Variants in HBB observed in about 807,000 individuals in gnomAD.
HBB encodes hemoglobin subunit beta.
Under a neutral mutation model 9.7 loss-of-function variants are expected in HBB, and 18 were observed. That is an observed-to-expected ratio of 1.86 (90% CI 1.28 to 2.76). HBB has a LOEUF of 2.76. HBB is among the 30% of genes most tolerant of loss of function. The pLI is 0.00. For synonymous variants in HBB, 99 were observed against 73.6 expected, an observed-to-expected ratio of 1.35 and a Z score of -1.77; for missense variants, 156 against 177.0, an observed-to-expected ratio of 0.88 and a Z score of 0.67.
At position 5,225,533 on chromosome 11, in the gene HBB, G is replaced by C. The variant is rs1490059160; in HGVS notation, c.*65C>G. The C allele has an allele frequency of 1.5e-5, 23 of 1,514,714 alleles. No individual in the cohort carries two copies. The highest frequency in any genetic ancestry group is 1.2e-4 in the African/African-American group (9 of 73,008). The allele number at this position is 1,514,714 out of a possible 1,614,324, so 93.8% of individuals were successfully genotyped here. A position where few individuals can be genotyped will look rare whatever the true frequency, so the allele number is the denominator to read the frequency against. On this transcript the variant is annotated 3_prime_UTR_variant, in exon 3 of 3. Coordinates refer to ENST00000335295, the MANE Select transcript of HBB (RefSeq NM_000518.5). ...TCAAGGCCCTTCATAATATCCCCCA[G>C]TTTAGTAGTTGGACTTAGGGAACAA...
intron 2 of HBB, 88 bp from the exon 3 acceptor site, chr11:5,225,814 A>T: frequency 7.2e-7 from 1 of 1,389,576 alleles, no homozygotes. Flanking sequence ...CCAACCATAA[A>T]ATAAAAGCAG....
chr11:5,225,517 T>G lies in HBB; in HGVS notation c.*81A>C. 7.3e-7 allele frequency: 1 copy of G among 1,360,828 alleles called. No individual in the cohort carries two copies. Among genetic ancestry groups the G allele is most frequent in the Non-Finnish European group, 1.1e-6 (1 of 948,726 alleles). The allele number at this position is 1,360,828 out of a possible 1,614,324, so 84.3% of individuals were successfully genotyped here. On this transcript the variant is annotated 3_prime_UTR_variant, in exon 3 of 3. Transcript: ENST00000335295. ...GGCAGAATCCAGATGCTCAAGGCCC[T>G]TCATAATATCCCCCAGTTTAGTAGT... is the stretch of plus-strand genomic sequence containing the variant.
rs375739101 is a variant in HBB at position 5,226,905 on chromosome 11, C to T, written c.92+25G>A. 1 of 1,605,810 alleles carries T rather than the reference C, an allele frequency of 6.2e-7. No individual in the cohort carries two copies. The highest frequency in any genetic ancestry group is 1.3e-5 in the African/African-American group (1 of 74,756). On this transcript the variant is annotated intron_variant, in intron 1 of 2. Coordinates refer to ENST00000335295, the MANE Select transcript of HBB (RefSeq NM_000518.5). The stretch of plus-strand genomic sequence containing the variant: ...CCCAGTTTCTATTGGTCTCCTTAAA[C>T]CTGTCTTGTAACCTTGATACCAACC...
At position 5,226,163 on chromosome 11, in the gene HBB, T is replaced by G. The variant is rs1194340747; in HGVS notation, c.315+414A>C. On this transcript the variant is annotated intron_variant, in intron 2 of 2. Coordinates refer to ENST00000335295, the MANE Select transcript of HBB (RefSeq NM_000518.5). ...TTTAACCCATAAATATGTATAATGATTATGTATCAATTAAAAATAAAAGAA... is the reference window on the plus strand; with the variant it reads ...TTTAACCCATAAATATGTATAATGAGTATGTATCAATTAAAAATAAAAGAA... 1 of 307,130 alleles carries G rather than the reference T, an allele frequency of 3.3e-6. No individual in the cohort carries two copies. Among genetic ancestry groups the G allele is most frequent in the African/African-American group, 2.2e-5 (1 of 45,494 alleles). 19.0% of individuals were successfully genotyped at this position (307,130 alleles called of 1,614,324 possible).
chr11:5,226,729 C>T lies in HBB; in HGVS notation c.163G>A (p.Val55Ile), dbSNP rs1300930245. ...GCCTTCACCTTAGGGTTGCCCATAA[C>T]AGCATCAGGAGTGGACAGATCCCCA... ...SFGDLSTPDA[V>I]MGNPKVKAHG... The change falls in exon 2 of 3, where the codon GTT becomes ATT. Residue 55 changes from valine (V) to isoleucine (I), a missense_variant. Val to Ile is a conservative substitution (Grantham distance 29, BLOSUM62 3). Transcript: ENST00000335295. The T allele has an allele frequency of 1.9e-6, 3 of 1,614,036 alleles. No homozygotes were observed. The African/African-American group carries it at 4.0e-5, about 22-fold the overall frequency.
chr11:5,226,551 A>G lies in HBB; in HGVS notation c.315+26T>C, dbSNP rs368604295. 1 of 1,604,512 alleles carries G rather than the reference A, an allele frequency of 6.2e-7. No individual in the cohort carries two copies. Among genetic ancestry groups the G allele is most frequent in the Non-Finnish European group, 8.5e-7 (1 of 1,171,266 alleles). ...TAACCATAGAAAAGAAGGGGAAAGA[A>G]AACATCAAGCGTCCCATAGACTCAC... On this transcript the variant is annotated intron_variant, in intron 2 of 2. Coordinates refer to ENST00000335295, the MANE Select transcript of HBB (RefSeq NM_000518.5).
At chr11:5,226,214 G>A in intron 2 of HBB, 1 of 370,270 alleles carries the variant, frequency 2.7e-6, no homozygotes, top group South Asian at 3.9e-5. Flanking sequence ...TTATGAATAT[G>A]CAAATAAGCA....
At position 5,225,515 on chromosome 11, in the gene HBB, C is replaced by A. The variant is rs2133585726; in HGVS notation, c.*83G>T. ...TAGGCAGAATCCAGATGCTCAAGGCCCTTCATAATATCCCCCAGTTTAGTA... is the reference window on the plus strand; with the variant it reads ...TAGGCAGAATCCAGATGCTCAAGGCACTTCATAATATCCCCCAGTTTAGTA... On this transcript the variant is annotated 3_prime_UTR_variant, in exon 3 of 3. Transcript: ENST00000335295. 1 of 1,286,108 alleles carries A rather than the reference C, an allele frequency of 7.8e-7. No homozygotes were observed. The highest frequency in any genetic ancestry group is 2.3e-5 in the East Asian group (1 of 43,424). The allele number at this position is 1,286,108 out of a possible 1,614,324, so 79.7% of individuals were successfully genotyped here. A position where few individuals can be genotyped will look rare whatever the true frequency, so the allele number is the denominator to read the frequency against.
rs33953406 is a variant in HBB, at chr11:5,225,645, T to G, written c.397A>C (p.Lys133Gln). The part of the protein sequence containing the change: ...FTPPVQAAYQ[K>Q]VVAGVANALA... ...GCATTAGCCACACCAGCCACCACTT[T>G]CTGATAGGCAGCCTGCACTGGTGGG... Residue 133 changes from lysine to glutamine, a missense_variant, in exon 3 of 3, where the codon AAA becomes CAA. Coordinates refer to ENST00000335295, the MANE Select transcript of HBB (RefSeq NM_000518.5). 6.2e-7 allele frequency: 1 copy of G among 1,614,096 alleles called. No individual in the cohort carries two copies. The highest frequency in any genetic ancestry group is 1.3e-5 in the African/African-American group (1 of 75,040).
chr11:5,226,712 C>T lies in HBB; in HGVS notation c.180G>A (p.Lys60=), dbSNP rs34621955. ...GCACTTTCTTGCCATGAGCCTTCAC[C>T]TTAGGGTTGCCCATAACAGCATCAG... ...STPDAVMGNP[K]VKAHGKKVLG... The change falls in exon 2 of 3, where the codon AAG becomes AAA. Residue 60 remains lysine (K), a synonymous_variant. Transcript: ENST00000335295. The T allele has an allele frequency of 6.9e-5, 112 of 1,614,128 alleles. 1 individual carries two copies. Among genetic ancestry groups the T allele is most frequent in the Middle Eastern group, 6.6e-4 (4 of 6,062 alleles).
rs908021515 is a variant in HBB at position 5,226,341 on chromosome 11, TA to T, written c.315+235del. 43 of 603,868 alleles carry T rather than the reference TA, an allele frequency of 7.1e-5. No homozygotes were observed. In the African/African-American group the frequency reaches 7.3e-4, roughly 10 times the overall value. The allele number at this position is 603,868 out of a possible 1,614,324, so 37.4% of individuals were successfully genotyped here. ...ATACACAATGTTAAGGCATTAAGTA[TA>T]ATAGTAAAAATTGCGGAGAAGAAAA... On this transcript the variant is annotated intron_variant, in intron 2 of 2. Transcript: ENST00000335295.
In HBB at chr11:5,225,737, A is replaced by G. The variant is rs755236703; in HGVS notation, c.316-11T>C. On this transcript the variant is annotated splice_polypyrimidine_tract_variant and intron_variant, in intron 2 of 2. Coordinates refer to ENST00000335295, the MANE Select transcript of HBB (RefSeq NM_000518.5). ...CACGTTGCCCAGGAGCTGTGGGAGG[A>G]AGATAAGAGGTATGAACATGATTAG... 1 of 1,613,874 alleles carries G rather than the reference A, an allele frequency of 6.2e-7. No homozygotes were observed. The highest frequency in any genetic ancestry group is 1.3e-5 in the African/African-American group (1 of 75,026).
rs1170353179 is a variant in HBB, at chr11:5,226,865, C to A, written c.92+65G>T. 17 of 1,593,256 alleles carry A rather than the reference C, an allele frequency of 1.1e-5. No individual in the cohort carries two copies. The highest frequency in any genetic ancestry group is 2.2e-5 in the East Asian group (1 of 44,780). On this transcript the variant is annotated intron_variant, in intron 1 of 2. Coordinates refer to ENST00000335295, the MANE Select transcript of HBB (RefSeq NM_000518.5). ...TGCCTATCAGAAACCCAAGAGTCTT[C>A]TCTGTCTCCACATGCCCAGTTTCTA...
Position 5,225,540 on chromosome 11 carries a change from A to C in HBB, c.*58T>G. The C allele has an allele frequency of 6.5e-7, 1 of 1,549,896 alleles. No homozygotes were observed. Among genetic ancestry groups the C allele is most frequent in the Admixed American group, 1.7e-5 (1 of 59,940 alleles). On this transcript the variant is annotated 3_prime_UTR_variant, in exon 3 of 3. Coordinates refer to ENST00000335295, the MANE Select transcript of HBB (RefSeq NM_000518.5). ...CCTTCATAATATCCCCCAGTTTAGTAGTTGGACTTAGGGAACAAAGGAACC... is the reference window on the plus strand; with the variant it reads ...CCTTCATAATATCCCCCAGTTTAGTCGTTGGACTTAGGGAACAAAGGAACC...
rs33918338 is a variant in HBB, at chr11:5,225,611, T to C, written c.431A>G (p.His144Arg). The C allele has an allele frequency of 6.2e-7, 1 of 1,614,144 alleles. No homozygotes were observed. The highest frequency in any genetic ancestry group is 2.2e-5 in the East Asian group (1 of 44,884). Residue 144 changes from histidine to arginine, a missense_variant, in exon 3 of 3, where the codon CAC (histidine) becomes CGC (arginine). His to Arg is a conservative substitution (Grantham distance 29). Transcript: ENST00000335295. ...VVAGVANALA[H>R]KYH ...AAGAAAGCGAGCTTAGTGATACTTG[T>C]GGGCCAGGGCATTAGCCACACCAGC...
At position 5,226,883 on chromosome 11, in the gene HBB, A is replaced by C. The variant is rs369341845; in HGVS notation, c.92+47T>G. Reference sequence around the variant, plus strand: ...GAGTCTTCTCTGTCTCCACATGCCCAGTTTCTATTGGTCTCCTTAAACCTG... The same window carrying C: ...GAGTCTTCTCTGTCTCCACATGCCCCGTTTCTATTGGTCTCCTTAAACCTG... On this transcript the variant is annotated intron_variant, in intron 1 of 2. Transcript: ENST00000335295. 2.6e-4 allele frequency: 418 copies of C among 1,590,142 alleles called. No individual in the cohort carries two copies. The highest frequency in any genetic ancestry group is 1.3e-4 in the Non-Finnish European group (149 of 1,158,310).
chr11:5,225,481 G>GT lies in HBB; in HGVS notation c.*116dup, dbSNP rs281864532. On this transcript the variant is annotated 3_prime_UTR_variant, in exon 3 of 3. Transcript: ENST00000335295. ...ATACATCATTGCAATGAAAATAAAT[G>GT]TTTTTTATTAGGCAGAATCCAGATG... is the stretch of plus-strand genomic sequence containing the variant. 5 of 963,262 alleles carry GT rather than the reference G, an allele frequency of 5.2e-6. No individual in the cohort carries two copies. The highest frequency in any genetic ancestry group is 4.8e-5 in the East Asian group (2 of 41,788). The allele number at this position is 963,262 out of a possible 1,614,324, so 59.7% of individuals were successfully genotyped here.
chr11:5,225,553 G>A lies in HBB; in HGVS notation c.*45C>T. On this transcript the variant is annotated 3_prime_UTR_variant, in exon 3 of 3. Coordinates refer to ENST00000335295, the MANE Select transcript of HBB (RefSeq NM_000518.5). The stretch of plus-strand genomic sequence containing the variant: ...CCCCAGTTTAGTAGTTGGACTTAGG[G>A]AACAAAGGAACCTTTAATAGAAATT... 2 of 1,606,930 alleles carry A rather than the reference G, an allele frequency of 1.2e-6. No homozygotes were observed. The highest frequency in any genetic ancestry group is 1.7e-6 in the Non-Finnish European group (2 of 1,173,546).
intron 2 of HBB, among the ~76,000 whole-genome samples, 159 bp from the exon 3 acceptor site, chr11:5,225,885 T>C (rs531604051): frequency 6.6e-6 from 1 of 152,336 alleles, no homozygotes; most frequent in Admixed American, 6.5e-5. Context: ...AGTTACAATT[T>C]ATATGCAGAA....
Sources: gnomAD v4.1 joint callset for allele counts (sites outside exome capture counted in the v4.1 genomes callset) on GRCh38, gnomAD v4.1.1 for gene constraint, MANE v1.5 for transcripts, NCBI Gene and HGNC (gene_info 2026-07-23, HGNC 2026-07-21) for gene names.